Variants in TRPM3 observed in about 807,000 individuals in gnomAD.
The protein encoded by TRPM3 is long transient receptor potential channel 3.
TRPM3 carries 77 observed loss-of-function variants against 181.2 expected under a neutral mutation model. That is an observed-to-expected ratio of 0.42 (90% confidence interval 0.35 to 0.51). The LOEUF is 0.51. Among genes scored for constraint, TRPM3 ranks in the 20% least tolerant of loss-of-function variants. The pLI is 0.01. For missense variants in TRPM3, 1,759 were observed against 2,196.7 expected (o/e 0.80, Z 3.98); for synonymous variants, 745 against 796.4 (o/e 0.94, Z 1.09).
At chr9:71,058,494 G>T (rs2060924206) in intron 1 of TRPM3, among the ~76,000 whole-genome samples, 1 of 151,970 alleles carries the variant, frequency 6.6e-6, no homozygotes, top group East Asian at 1.9e-4. Context: ...ATGGAGAGTA[G>T]GACACAGCTG....
intron 1 of TRPM3, among the ~76,000 whole-genome samples, chr9:71,389,094 C>T (rs949383696): frequency 2.0e-5 from 3 of 151,968 alleles, no homozygotes; most frequent in Non-Finnish European, 4.4e-5. Context: ...ATACATCTGA[C>T]AAGGGACTAA....
chr9:71,262,459 G>T (rs1384292279), intron 1 of TRPM3, among the ~76,000 whole-genome samples: 2 of 152,190 alleles, frequency 1.3e-5, no homozygotes. Context: ...GGCTCTGTGG[G>T]GGTGGGATCT....
chr9:71,371,904 C>T (rs76704292), intron 1 of TRPM3, among the ~76,000 whole-genome samples: 1 of 152,226 alleles, frequency 6.6e-6, no homozygotes, highest in East Asian at 1.9e-4. Context: ...ACACAGTAAA[C>T]TATTTGCTGC....
intron 6 of TRPM3, among the ~76,000 whole-genome samples, chr9:70,803,033 T>TAAAAAAAAAAA (rs78461560): frequency 2.3e-4 from 10 of 42,896 alleles, no homozygotes; most frequent in African/African-American, 6.0e-4. Context: ...AGAAATTTTG[T>TAAAAAAAAAAA]AAAAAAAAAA....
At chr9:71,198,462 C>T (rs2078543034) in intron 1 of TRPM3, among the ~76,000 whole-genome samples, 1 of 152,178 alleles carries the variant, frequency 6.6e-6, no homozygotes, top group Non-Finnish European at 1.5e-5. Context: ...TTACCTTGGG[C>T]AGTATGGCCA....
intron 1 of TRPM3, among the ~76,000 whole-genome samples, chr9:71,102,225 G>A (rs1445332418): frequency 6.6e-6 from 1 of 151,982 alleles, no homozygotes; most frequent in Non-Finnish European, 1.5e-5. Context: ...GAAACCACCC[G>A]TCCTGGAATC....
chr9:71,176,040 G>C (rs2077090250), intron 1 of TRPM3, among the ~76,000 whole-genome samples: 1 of 152,114 alleles, frequency 6.6e-6, no homozygotes, highest in South Asian at 2.1e-4. Context: ...TGTATAAAAG[G>C]ATAGACCCTA....
At chr9:71,005,150 T>C (rs962728387) in intron 1 of TRPM3, among the ~76,000 whole-genome samples, 7 of 152,130 alleles carry the variant, frequency 4.6e-5, no homozygotes, top group African/African-American at 1.4e-4. Context: ...GGCTCATGCC[T>C]GTAATCCAGT....
chr9:71,101,520 A>G (rs974059885), intron 1 of TRPM3, among the ~76,000 whole-genome samples: 3 of 152,138 alleles, frequency 2.0e-5, no homozygotes, highest in Non-Finnish European at 2.9e-5. Flanking sequence ...GTAGGATGGG[A>G]TGATTAATTC....
In TRPM3 at chr9:70,606,651, G is replaced by GTGTGTGTA. The variant is rs145779027; in HGVS notation, c.2668-3182_2668-3181insTACACACA. Among the ~76,000 whole-genome samples the GTGTGTGTA allele has an allele frequency of 9.9e-3, 1,394 of 140,730 alleles. 9 individuals are homozygous for GTGTGTGTA. Among genetic ancestry groups the GTGTGTGTA allele is most frequent in the Non-Finnish European group, 0.014 (919 of 65,372 alleles). The allele number at this position is 140,730 out of a possible 152,430, so 92.3% of individuals were successfully genotyped here. A position where few individuals can be genotyped will look rare whatever the true frequency, so the allele number is the denominator to read the frequency against. ...TAATTGTGTGTGTGTGTGTGTGTGT[G>GTGTGTGTA]TATATATATATATATATGTATACTC... On this transcript the variant is annotated intron_variant, in intron 19 of 25. Transcript: ENST00000677713.
In TRPM3 at chr9:71,351,870, G is replaced by GTTTTTTTTTTTTTTTTTTTTTTT. The variant is rs1398031517; in HGVS notation, c.183+94782_183+94783insAAAAAAAAAAAAAAAAAAAAAAA. Among the ~76,000 whole-genome samples the GTTTTTTTTTTTTTTTTTTTTTTT allele has an allele frequency of 3.1e-5, 3 of 95,658 alleles. 1 individual carries two copies. The highest frequency in any genetic ancestry group is 8.0e-5 in the African/African-American group (2 of 25,132). The allele number at this position is 95,658 out of a possible 152,430, so 62.8% of individuals were successfully genotyped here. A position where few individuals can be genotyped will look rare whatever the true frequency, so the allele number is the denominator to read the frequency against. ...ATGGGAAGTTTTTGTTTGTTTGTTT[G>GTTTTTTTTTTTTTTTTTTTTTTT]TTTTTGTTTTTTTTTTTTTTTTTGA... On this transcript the variant is annotated intron_variant, in intron 1 of 24. Coordinates refer to the TRPM3 transcript ENST00000357533.
At chr9:71,067,497 C>G (rs1316504579) in intron 1 of TRPM3, among the ~76,000 whole-genome samples, 4 of 152,026 alleles carry the variant, frequency 2.6e-5, no homozygotes, top group East Asian at 3.9e-4. Flanking sequence ...GGCTATGCAG[C>G]CAGAATGCTG....
chr9:70,595,443 A>G (rs1428987505), intron 21 of TRPM3, among the ~76,000 whole-genome samples: 1 of 152,196 alleles, frequency 6.6e-6, no homozygotes, highest in Admixed American at 6.5e-5. Context: ...TGCTACTGGC[A>G]TCCACTGGGT....
At chr9:70,924,835 C>T (rs2133334360) in intron 1 of TRPM3, among the ~76,000 whole-genome samples, 1 of 152,292 alleles carries the variant, frequency 6.6e-6, no homozygotes, top group Non-Finnish European at 1.5e-5. Flanking sequence ...GCTATACTCA[C>T]CTTACCCCCA....
At chr9:71,293,464 C>A (rs1224314329) in intron 1 of TRPM3, among the ~76,000 whole-genome samples, 1 of 151,678 alleles carries the variant, frequency 6.6e-6, no homozygotes, top group East Asian at 1.9e-4. Flanking sequence ...TAAAATATAT[C>A]CTTTACAAAT....
At chr9:71,168,589 TTTTATTTTTATTTTTA>T (rs2076669140) in intron 1 of TRPM3, among the ~76,000 whole-genome samples, 2 of 53,434 alleles carry the variant, frequency 3.7e-5, no homozygotes, top group African/African-American at 8.8e-5. Context: ...TTTTTTATTT[TTTTATTTTTATTTTTA>T]TTTATTTTTT....
At chr9:70,620,019 G>A in intron 16 of TRPM3, 57 bp downstream of exon 16, 1 of 1,539,018 alleles carries the variant, frequency 6.5e-7, no homozygotes, top group Non-Finnish European at 8.8e-7. Context: ...CTCCAGCACT[G>A]GGAGCCCACC....
chr9:70,867,340 A>G (rs2095670520), intron 1 of TRPM3, among the ~76,000 whole-genome samples: 1 of 152,074 alleles, frequency 6.6e-6, no homozygotes, highest in African/African-American at 2.4e-5. Flanking sequence ...TCTCTTGCTC[A>G]TGGATCCCAT....
chr9:70,640,651 G>A lies in TRPM3; in HGVS notation c.1355C>T (p.Ala452Val), dbSNP rs1237090692. 6.2e-7 allele frequency: 1 copy of A among 1,613,294 alleles called. No individual in the cohort carries two copies. Among genetic ancestry groups the A allele is most frequent in the Admixed American group, 1.7e-5 (1 of 59,958 alleles). The change falls in exon 10 of 26, where the codon GCC becomes GTC. Residue 452 changes from alanine (A) to valine (V), a missense_variant. Coordinates refer to ENST00000677713, the MANE Select transcript of TRPM3 (RefSeq NM_001366145.2). The part of the protein sequence containing the change: ...ILTALLKGAN[A>V]SAPDQLSLAL... ...TAAGCTCAGTTGGTCTGGGGCCGAG[G>A]CATTGGCTCCTGTGTGAGGACAAGT... is the stretch of plus-strand genomic sequence containing the variant.
Sources: allele counts gnomAD v4.1 joint callset (sites outside exome capture counted in the v4.1 genomes callset), GRCh38; gene constraint gnomAD v4.1.1; transcripts MANE v1.5; gene names NCBI Gene and HGNC (gene_info 2026-07-23, HGNC 2026-07-21).